Variants in SCN11A observed in about 807,000 individuals in gnomAD.
The protein encoded by SCN11A is sodium voltage-gated channel alpha subunit 11, also known as sodium channel protein type 11 subunit alpha.
A neutral mutation model predicts 162.2 loss-of-function variants in SCN11A; 122 were observed. The observed-to-expected ratio is 0.75, with a 90% confidence interval of 0.65 to 0.87. The LOEUF (loss-of-function observed/expected upper bound fraction) is 0.87, where lower values mean the gene tolerates loss of function less well. Among genes scored for constraint, SCN11A ranks in the 40% least tolerant of loss-of-function variants. The pLI is 0.00. For missense variants in SCN11A, 2,015 were observed against 2,181.6 expected (o/e 0.92, Z 1.52); for synonymous variants, 758 against 751.5 (o/e 1.01, Z -0.14).
chr3:38,948,445 T>C (rs554029062), intron 5 of SCN11A, among the ~76,000 whole-genome samples: 2 of 152,206 alleles, frequency 1.3e-5, no homozygotes, highest in Non-Finnish European at 2.9e-5. Flanking sequence ...TCTCTACTTC[T>C]TTCCCCTGTT....
At chr3:38,897,487 C>T (rs1027393568) in intron 17 of SCN11A, among the ~76,000 whole-genome samples, 64 of 151,680 alleles carry the variant, frequency 4.2e-4, no homozygotes, top group African/African-American at 1.4e-3. Context: ...GAGGCCAAGG[C>T]GGGTGGATCA....
intron 2 of SCN11A, among the ~76,000 whole-genome samples, chr3:38,974,696 A>G (rs2066837731): frequency 7.8e-6 from 1 of 127,714 alleles, no homozygotes; most frequent in Non-Finnish European, 1.5e-5. Flanking sequence ...CTCCGTCTCA[A>G]AAAAAAAAAA....
intron 2 of SCN11A, among the ~76,000 whole-genome samples, chr3:39,014,350 G>A (rs376688218): frequency 5.3e-5 from 8 of 152,292 alleles, no homozygotes; most frequent in African/African-American, 1.9e-4. Flanking sequence ...AGAAGTCAAG[G>A]TTACAGACAA....
At chr3:39,049,329 C>T (rs1026183795) in intron 1 of SCN11A, among the ~76,000 whole-genome samples, 1 of 152,244 alleles carries the variant, frequency 6.6e-6, no homozygotes, top group Non-Finnish European at 1.5e-5. Flanking sequence ...CATTGCATTA[C>T]TTCTTTCATT....
intron 5 of SCN11A, among the ~76,000 whole-genome samples, 166 bp downstream of exon 5, chr3:38,949,930 G>T (rs781674482): frequency 6.6e-6 from 1 of 152,032 alleles, no homozygotes; most frequent in Non-Finnish European, 1.5e-5. Flanking sequence ...GACTGAAAGG[G>T]GTTTTCAGGA....
intron 2 of SCN11A, among the ~76,000 whole-genome samples, chr3:39,011,014 C>A (rs1418299114): frequency 6.6e-6 from 1 of 152,094 alleles, no homozygotes; most frequent in Non-Finnish European, 1.5e-5. Flanking sequence ...CCCTTGTTGC[C>A]GAACCAAACC....
rs370424164 is a variant in SCN11A at position 38,945,523 on chromosome 3, T to A, written c.387-11A>T. 8 of 1,536,464 alleles carry A rather than the reference T, an allele frequency of 5.2e-6. No individual in the cohort carries two copies. The African/African-American group carries it at 1.1e-4, about 21-fold the overall frequency. On this transcript the variant is annotated splice_polypyrimidine_tract_variant and intron_variant, in intron 6 of 29. Coordinates refer to ENST00000302328, the MANE Select transcript of SCN11A (RefSeq NM_001349253.2). Reference sequence around the variant, plus strand: ...AACATGCTGAACAATGTGGCCAGCATCCATTAAGGCAGATATGTTGCAGGA... The same window carrying A: ...AACATGCTGAACAATGTGGCCAGCAACCATTAAGGCAGATATGTTGCAGGA...
intron 27 of SCN11A, among the ~76,000 whole-genome samples, chr3:38,863,575 C>T (rs1308583920): frequency 2.0e-5 from 3 of 151,964 alleles, no homozygotes; most frequent in East Asian, 3.8e-4. Flanking sequence ...AGAATCTTTA[C>T]AAAAATTTGA....
intron 19 of SCN11A, 93 bp from the exon 20 acceptor site, chr3:38,886,331 T>C: frequency 1.3e-6 from 1 of 748,232 alleles, no homozygotes; most frequent in Non-Finnish European, 2.2e-6. Context: ...TTTCTCTTTG[T>C]CATGAGAATA....
chr3:39,046,849 T>C (rs2032193126), intron 1 of SCN11A, among the ~76,000 whole-genome samples: 1 of 152,114 alleles, frequency 6.6e-6, no homozygotes, highest in Non-Finnish European at 1.5e-5. Context: ...GCCTCTTGAG[T>C]AGCTAGGACT....
At position 38,886,329 on chromosome 3, in the gene SCN11A, T is replaced by C. The variant is rs556496815; in HGVS notation, c.2836-91A>G. 4.1e-5 allele frequency: 31 copies of C among 764,414 alleles called. No homozygotes were observed. The African/African-American group carries it at 5.4e-4, about 13-fold the overall frequency. 47.4% of individuals were successfully genotyped at this position (764,414 alleles called of 1,614,324 possible). A position where few individuals can be genotyped will look rare whatever the true frequency, so the allele number is the denominator to read the frequency against. On this transcript the variant is annotated intron_variant, in intron 19 of 29. Coordinates refer to ENST00000302328, the MANE Select transcript of SCN11A (RefSeq NM_001349253.2). ...TTTGAATGCTATTTGGTTTTCTCTTTGTCATGAGAATAAGCCTTTGACATT... is the reference window on the plus strand; with the variant it reads ...TTTGAATGCTATTTGGTTTTCTCTTCGTCATGAGAATAAGCCTTTGACATT...
intron 2 of SCN11A, among the ~76,000 whole-genome samples, chr3:39,025,180 G>A (rs143267090): frequency 1.4e-4 from 22 of 152,204 alleles, no homozygotes; most frequent in African/African-American, 5.1e-4. Context: ...TTCAAGAGAG[G>A]AGGGGTGGGA....
At chr3:38,983,770 T>C (rs2030139918) in intron 2 of SCN11A, among the ~76,000 whole-genome samples, 1 of 152,198 alleles carries the variant, frequency 6.6e-6, no homozygotes, top group African/African-American at 2.4e-5. Flanking sequence ...GAACTATCCA[T>C]CTCTATTTAA....
intron 7 of SCN11A, among the ~76,000 whole-genome samples, chr3:38,938,375 TATA>T (rs1392621077): frequency 1.3e-5 from 2 of 149,894 alleles, no homozygotes; most frequent in Non-Finnish European, 3.0e-5. Flanking sequence ...AAACTTAAAG[TATA>T]ATAATAATAA....
intron 1 of SCN11A, among the ~76,000 whole-genome samples, chr3:39,033,471 T>C (rs890699513): frequency 6.6e-6 from 1 of 152,212 alleles, no homozygotes; most frequent in Non-Finnish European, 1.5e-5. Flanking sequence ...AGAAGTACCT[T>C]GTGAGAAAAG....
At chr3:38,912,938 A>G (rs1287167862) in intron 11 of SCN11A, among the ~76,000 whole-genome samples, 1 of 152,200 alleles carries the variant, frequency 6.6e-6, no homozygotes, top group African/African-American at 2.4e-5. Flanking sequence ...TGCAATGAAC[A>G]TGCATGTGTG....
intron 26 of SCN11A, 92 bp downstream of exon 26, chr3:38,870,599 G>GACGCCAGTTCTGGACTGACGCCA: frequency 9.6e-7 from 1 of 1,043,838 alleles, no homozygotes; most frequent in Admixed American, 2.0e-5. Context: ...CCCAGCTGCT[G>GACGCCAGTTCTGGACTGACGCCA]GAACTATGAC....
chr3:38,885,379 T>G lies in SCN11A; in HGVS notation c.2973A>C (p.Leu991=), dbSNP rs747967286. The change falls in exon 21 of 30, where the codon CTA becomes CTC. Residue 991 remains leucine, a synonymous_variant. Transcript: ENST00000302328. The part of the protein sequence containing the change: ...PRKKSDVTSI[L]SECSTIDLQD... ...GAAGATCAATGGTGCTACATTCTGA[T>G]AGTATACTGGTAACATCAGACTTCT... 1 of 1,609,856 alleles carries G rather than the reference T, an allele frequency of 6.2e-7. No homozygotes were observed. The highest frequency in any genetic ancestry group is 1.1e-5 in the South Asian group (1 of 90,984).
rs2064991117 is a variant in SCN11A at position 38,863,180 on chromosome 3, T to A, written c.4056+15A>T. Reference sequence around the variant, plus strand: ...CAACTGTTCTACATATTTACAGTCATTCAATTGCTCTCACCAGAGGCCGTG... The same window carrying A: ...CAACTGTTCTACATATTTACAGTCAATCAATTGCTCTCACCAGAGGCCGTG... On this transcript the variant is annotated intron_variant, in intron 28 of 29. Coordinates refer to ENST00000302328, the MANE Select transcript of SCN11A (RefSeq NM_001349253.2). The A allele has an allele frequency of 7.1e-7, 1 of 1,400,520 alleles. No individual in the cohort carries two copies. Among genetic ancestry groups the A allele is most frequent in the African/African-American group, 1.4e-5 (1 of 70,542 alleles). The allele number at this position is 1,400,520 out of a possible 1,614,324, so 86.8% of individuals were successfully genotyped here.
Sources: allele counts gnomAD v4.1 joint callset (sites outside exome capture counted in the v4.1 genomes callset), GRCh38; gene constraint gnomAD v4.1.1; transcripts MANE v1.5; gene names NCBI Gene and HGNC (gene_info 2026-07-23, HGNC 2026-07-21).